OPCML: variants seen among roughly 807,000 people sequenced by gnomAD.
OPCML encodes the protein opioid-binding protein/cell adhesion molecule.
A neutral mutation model predicts 37.8 loss-of-function variants in OPCML; 13 were observed. That is an observed-to-expected ratio of 0.34 (90% CI 0.22 to 0.55). The LOEUF (loss-of-function observed/expected upper bound fraction) is 0.55. Ranked by LOEUF, OPCML falls within the 20% of genes least tolerant of loss-of-function variation. OPCML has a pLI of 0.91. For missense variants in OPCML, 341 were observed against 435.6 expected, an observed-to-expected ratio of 0.78 and a Z score of 1.93; for synonymous variants, 176 against 168.8, an observed-to-expected ratio of 1.04 and a Z score of -0.33.
chr11:132,539,092 G>T (rs531757962), intron 3 of OPCML, among the ~76,000 whole-genome samples: 1 of 152,332 alleles, frequency 6.6e-6, no homozygotes, highest in South Asian at 2.1e-4. Flanking sequence ...ATTGGAGGTA[G>T]AATAGCAAAT....
intron 1 of OPCML, among the ~76,000 whole-genome samples, chr11:133,132,053 C>A (rs1949612354): frequency 6.6e-6 from 1 of 152,092 alleles, no homozygotes; most frequent in Admixed American, 6.5e-5. Context: ...TGGACTTCAT[C>A]AAAATTAAAA....
At chr11:132,678,098 C>G (rs1942788867) in intron 2 of OPCML, among the ~76,000 whole-genome samples, 1 of 152,124 alleles carries the variant, frequency 6.6e-6, no homozygotes, top group East Asian at 1.9e-4. Flanking sequence ...CCTTAATAGA[C>G]ACCTCACCAA....
chr11:133,422,770 G>A, intron 1 of OPCML: 1 of 903,088 alleles, frequency 1.1e-6, no homozygotes, highest in Non-Finnish European at 1.3e-6. Context: ...TAATAATAAA[G>A]TATTTATGAT....
intron 1 of OPCML, chr11:133,362,100 T>C (rs1592234450): frequency 6.6e-6 from 1 of 152,350 alleles, no homozygotes; most frequent in Non-Finnish European, 1.5e-5. Flanking sequence ...GCTCAGCTTC[T>C]AATTACTGCT....
chr11:133,458,548 CGTGT>C (rs554944082), intron 1 of OPCML, among the ~76,000 whole-genome samples: 3 of 87,248 alleles, frequency 3.4e-5, no homozygotes, highest in Non-Finnish European at 5.8e-5. Flanking sequence ...CATATATACA[CGTGT>C]GTGTGTATAC....
intron 1 of OPCML, among the ~76,000 whole-genome samples, chr11:132,974,884 T>C (rs1483447864): frequency 6.6e-6 from 1 of 151,578 alleles, no homozygotes; most frequent in African/African-American, 2.4e-5. Context: ...ATTCTGAATG[T>C]TGGGGTTCTT....
At position 132,504,955 on chromosome 11, in the gene OPCML, G is replaced by A. The variant is rs556648417; in HGVS notation, c.505+24106C>T. ...AATACCAATGCAGCTTCAAACCAGAGGAGTCAATGAGTGCCCCCCAAGCCC... is the reference window on the plus strand; with the variant it reads ...AATACCAATGCAGCTTCAAACCAGAAGAGTCAATGAGTGCCCCCCAAGCCC... On this transcript the variant is annotated intron_variant, in intron 4 of 7. Transcript: ENST00000524381. Among the ~76,000 whole-genome samples the A allele has an allele frequency of 1.1e-3, 160 of 152,102 alleles. 5 individuals are homozygous for A. The South Asian group carries it at 0.021, about 20-fold the overall frequency.
chr11:133,214,337 G>A (rs1279389298), intron 1 of OPCML, among the ~76,000 whole-genome samples: 1 of 151,966 alleles, frequency 6.6e-6, no homozygotes, highest in East Asian at 1.9e-4. Context: ...CACTTTATGT[G>A]GTATGTGTGT....
intron 2 of OPCML, among the ~76,000 whole-genome samples, chr11:132,864,501 G>C (rs1942446522): frequency 6.6e-6 from 1 of 152,164 alleles, no homozygotes; most frequent in Admixed American, 6.5e-5. Context: ...CCACCTCACA[G>C]GGTTCAATCA....
chr11:133,436,681 G>C (rs1185842266), intron 1 of OPCML, among the ~76,000 whole-genome samples: 2 of 152,308 alleles, frequency 1.3e-5, no homozygotes, highest in East Asian at 3.9e-4. Flanking sequence ...TTAGGGCCCA[G>C]TTCCACTGCT....
intron 1 of OPCML, among the ~76,000 whole-genome samples, chr11:132,953,812 G>A (rs577756351): frequency 2.0e-5 from 3 of 152,150 alleles, no homozygotes; most frequent in African/African-American, 7.2e-5. Context: ...GCTTCTCTGA[G>A]CCCAGGATTC....
chr11:132,559,658 A>C (rs1014364565), intron 3 of OPCML, among the ~76,000 whole-genome samples: 1 of 152,204 alleles, frequency 6.6e-6, no homozygotes, highest in African/African-American at 2.4e-5. Flanking sequence ...AGATTACATT[A>C]ACACATGAGG....
intron 2 of OPCML, among the ~76,000 whole-genome samples, chr11:132,674,412 C>T (rs1591708540): frequency 6.6e-6 from 1 of 152,160 alleles, no homozygotes; most frequent in East Asian, 1.9e-4. Flanking sequence ...CCATTGAAGG[C>T]TGAACTTTTT....
Position 133,371,306 on chromosome 11 carries a change from G to A in OPCML, c.61+160958C>T, listed in dbSNP as rs1006301913. On this transcript the variant is annotated intron_variant, in intron 1 of 7. Transcript: ENST00000524381. ...CCTGAAATGCAGCTGACCTACTACT[G>A]GGTATTTATCCAAAGGAAAAGAAAT... 2.6e-5 allele frequency among the ~76,000 whole-genome samples: 4 copies of A among 152,256 alleles called. No homozygotes were observed. In the East Asian group the frequency reaches 7.7e-4, roughly 29 times the overall value.
chr11:132,855,802 T>C lies in OPCML; in HGVS notation c.146+87124A>G, dbSNP rs191313113. Among the ~76,000 whole-genome samples the C allele has an allele frequency of 1.0e-3, 156 of 152,332 alleles. 2 individuals are homozygous for C. The highest frequency in any genetic ancestry group is 3.5e-3 in the African/African-American group (147 of 41,578). On this transcript the variant is annotated intron_variant, in intron 2 of 7. Coordinates refer to ENST00000524381, the MANE Select transcript of OPCML (RefSeq NM_001012393.5). ...AATATTTGCTTTATGCTGTTGTGTT[T>C]AGGGTAATGTGTTATACAGCAAAAG...
chr11:133,057,140 G>A (rs1055364754), intron 1 of OPCML, among the ~76,000 whole-genome samples: 7 of 152,198 alleles, frequency 4.6e-5, no homozygotes, highest in African/African-American at 1.7e-4. Context: ...GCTGTGCCTG[G>A]CTAGGTCGCT....
chr11:132,782,954 T>G (rs1379517595), intron 2 of OPCML, among the ~76,000 whole-genome samples: 1 of 147,770 alleles, frequency 6.8e-6, no homozygotes, highest in Non-Finnish European at 1.5e-5. Flanking sequence ...TATGTATGTA[T>G]GTATAATCCA....
At chr11:133,003,823 C>T in intron 1 of OPCML, 1 of 985,394 alleles carries the variant, frequency 1.0e-6, no homozygotes, top group Non-Finnish European at 1.2e-6. Flanking sequence ...TTTCTCCAAA[C>T]AGCGGATAAA....
intron 3 of OPCML, among the ~76,000 whole-genome samples, chr11:132,633,162 A>G (rs1046030116): frequency 3.3e-5 from 5 of 152,128 alleles, no homozygotes; most frequent in Non-Finnish European, 5.9e-5. Flanking sequence ...TGCCAGTAAC[A>G]GAGCACCCAA....
Sources: allele counts gnomAD v4.1 joint callset (sites outside exome capture counted in the v4.1 genomes callset), GRCh38; gene constraint gnomAD v4.1.1; transcripts MANE v1.5; gene names NCBI Gene and HGNC (gene_info 2026-07-23, HGNC 2026-07-21).